Variants in SNRK observed in about 807,000 individuals in gnomAD.
The protein encoded by SNRK is SNF-related serine/threonine-protein kinase.
In SNRK, 3 loss-of-function variants were observed where a neutral mutation model predicts 48.2. That is an observed-to-expected ratio of 0.06 (90% confidence interval 0.03 to 0.16). The LOEUF (loss-of-function observed/expected upper bound fraction) is 0.16, where lower values mean the gene tolerates loss of function less well. Among genes scored for constraint, SNRK ranks in the 10% least tolerant of loss-of-function variants. SNRK has a pLI of 1.00. For synonymous variants in SNRK, 376 were observed against 366.1 expected, an observed-to-expected ratio of 1.03 and a Z score of -0.31; for missense variants, 627 against 976.0, an observed-to-expected ratio of 0.64 and a Z score of 4.76.
chr3:43,307,276 G>A (rs2090945011), intron 3 of SNRK, among the ~76,000 whole-genome samples: 1 of 152,122 alleles, frequency 6.6e-6, no homozygotes, highest in Admixed American at 6.5e-5. Context: ...TATACTCCTT[G>A]ATACATATTG....
rs541655223 is a variant in SNRK at position 43,347,086 on chromosome 3, T to G, written c.1080-253T>G. On this transcript the variant is annotated intron_variant, in intron 6 of 6. Coordinates refer to ENST00000296088, the MANE Select transcript of SNRK (RefSeq NM_017719.5). This position sits in a 1 kb window ranked among gnomAD's most constrained non-coding sequence, Gnocchi z 5.4. ...GAAAAGATGGAGTAGCTCTTTGCCC[T>G]ATTTTCTTTTCTGACACCTGTGATG... The G allele has an allele frequency of 2.5e-4, 104 of 419,398 alleles. No individual in the cohort carries two copies. Among genetic ancestry groups the G allele is most frequent in the South Asian group, 1.2e-3 (21 of 16,978 alleles). The allele number at this position is 419,398 out of a possible 1,614,324, so 26.0% of individuals were successfully genotyped here.
intron 3 of SNRK, among the ~76,000 whole-genome samples, chr3:43,304,465 T>C (rs2090921934): frequency 1.3e-5 from 2 of 152,320 alleles, no homozygotes; most frequent in Non-Finnish European, 2.9e-5. Context: ...CTTCTTTCCC[T>C]CTCCACACAC....
chr3:43,293,909 G>T (rs1172443208), intron 1 of SNRK, among the ~76,000 whole-genome samples: 1 of 151,240 alleles, frequency 6.6e-6, no homozygotes, highest in Non-Finnish European at 1.5e-5. Context: ...ACAGAGTGAG[G>T]CTCTGTCTCA....
Position 43,347,549 on chromosome 3 carries a change from A to G in SNRK, c.1290A>G (p.Ala430=). 6.2e-7 allele frequency: 1 copy of G among 1,613,842 alleles called. No individual in the cohort carries two copies. Among genetic ancestry groups the G allele is most frequent in the Non-Finnish European group, 8.5e-7 (1 of 1,179,908 alleles). Residue 430 remains alanine, a synonymous_variant, in exon 7 of 7, where the codon GCA becomes GCG. Transcript: ENST00000296088. This position sits in a 1 kb window ranked among gnomAD's most constrained non-coding sequence, Gnocchi z 5.4. ...CAGCACTCTCTACGGTGCCACCCGC[A>G]AGCTTAAAACCCACAGCCAGTGGGC... ...AGPALSTVPP[A]SLKPTASGRK...
chr3:43,291,655 A>G (rs981685838), intron 1 of SNRK, among the ~76,000 whole-genome samples: 3 of 152,170 alleles, frequency 2.0e-5, no homozygotes, highest in African/African-American at 7.2e-5. Context: ...TTATCAAGAC[A>G]TGCCTTTTCA....
chr3:43,307,548 T>C (rs1289011376), intron 3 of SNRK, among the ~76,000 whole-genome samples: 1 of 152,260 alleles, frequency 6.6e-6, no homozygotes, highest in African/African-American at 2.4e-5. Flanking sequence ...TTTTTTATGG[T>C]GATCTGTGAT....
chr3:43,301,850 A>G (rs537911094), intron 2 of SNRK, among the ~76,000 whole-genome samples: 4 of 152,336 alleles, frequency 2.6e-5, no homozygotes, highest in African/African-American at 9.6e-5. Context: ...ACTCAGTTCT[A>G]TTAAATGTTG....
rs1041806947 is a variant in SNRK at position 43,350,870 on chromosome 3, A to G, written c.*2313A>G. On this transcript the variant is annotated 3_prime_UTR_variant, in exon 7 of 7. Coordinates refer to ENST00000296088, the MANE Select transcript of SNRK (RefSeq NM_017719.5). ...TGTATTTTTCTGTATGTGTGTATAT[A>G]TATATAATTATGTACTTCTGGCAAT... 2 of 152,580 alleles carry G rather than the reference A, an allele frequency of 1.3e-5. No homozygotes were observed. The highest frequency in any genetic ancestry group is 2.9e-5 in the Non-Finnish European group (2 of 68,024). 9.5% of individuals were successfully genotyped at this position (152,580 alleles called of 1,614,324 possible). A position where few individuals can be genotyped will look rare whatever the true frequency, so the allele number is the denominator to read the frequency against.
chr3:43,299,169 C>G (rs539461526), intron 1 of SNRK, among the ~76,000 whole-genome samples: 13 of 151,980 alleles, frequency 8.6e-5, no homozygotes, highest in Non-Finnish European at 1.9e-4. Context: ...GGCAATTGTA[C>G]TGTTGTTCAT....
At chr3:43,341,431 G>A (rs981225238) in intron 5 of SNRK, among the ~76,000 whole-genome samples, 4 of 152,184 alleles carry the variant, frequency 2.6e-5, no homozygotes, top group South Asian at 2.1e-4. Flanking sequence ...GATTACAGGT[G>A]TGAGCCACTG....
chr3:43,348,077 C>T lies in SNRK; in HGVS notation c.1818C>T (p.Gly606=). The T allele has an allele frequency of 6.3e-7, 1 of 1,597,092 alleles. No homozygotes were observed. Among genetic ancestry groups the T allele is most frequent in the South Asian group, 1.1e-5 (1 of 88,642 alleles). ...CCAGTGAGAACAATGCTGGTGGGGG[C>T]AGTCCCTCCAGCGGCTCGGGTGGCA... ...ASPSENNAGG[G]SPSSGSGGNP... The change falls in exon 7 of 7, where the codon GGC becomes GGT. Residue 606 remains glycine (G), a synonymous_variant. Transcript: ENST00000296088.
intron 3 of SNRK, among the ~76,000 whole-genome samples, chr3:43,326,944 C>T (rs1262400339): frequency 5.3e-5 from 8 of 152,114 alleles, no homozygotes; most frequent in Admixed American, 1.3e-4. Context: ...ACTAGAGTAT[C>T]GATAAAACCA....
chr3:43,297,246 T>C lies in SNRK; in HGVS notation c.-168-2508T>C, dbSNP rs187922270. On this transcript the variant is annotated intron_variant, in intron 1 of 6. Coordinates refer to ENST00000296088, the MANE Select transcript of SNRK (RefSeq NM_017719.5). Reference sequence around the variant, plus strand: ...TAGCTTTGTAAAGAACTGTTAAGTATAGAGGATGTACACTCGGACCTGATG... The same window carrying C: ...TAGCTTTGTAAAGAACTGTTAAGTACAGAGGATGTACACTCGGACCTGATG... Among the ~76,000 whole-genome samples the C allele has an allele frequency of 6.6e-5, 10 of 152,324 alleles. No individual in the cohort carries two copies. The East Asian group carries it at 1.3e-3, about 21-fold the overall frequency.
chr3:43,306,550 TC>T (rs1174350339), intron 3 of SNRK, among the ~76,000 whole-genome samples: 1 of 152,000 alleles, frequency 6.6e-6, no homozygotes, highest in Admixed American at 6.5e-5. Context: ...CTTTATTCTT[TC>T]TAGGATCTTT....
intron 3 of SNRK, among the ~76,000 whole-genome samples, chr3:43,308,493 A>G (rs1029465795): frequency 3.9e-5 from 6 of 152,214 alleles, no homozygotes; most frequent in Non-Finnish European, 8.8e-5. Flanking sequence ...ACCATTCAGA[A>G]AATCCTAGGG....
At chr3:43,343,316 A>T (rs1444581485) in intron 5 of SNRK, 28 bp from the exon 6 acceptor site, 1 of 1,564,480 alleles carries the variant, frequency 6.4e-7, no homozygotes, top group Non-Finnish European at 8.6e-7. Context: ...GATATGGCTG[A>T]CGTTTGCTCT....
At chr3:43,304,189 C>T (rs1260429074) in intron 3 of SNRK, among the ~76,000 whole-genome samples, 1 of 152,160 alleles carries the variant, frequency 6.6e-6, no homozygotes, top group Non-Finnish European at 1.5e-5. Flanking sequence ...GTGAATATTA[C>T]AGTGCAATAT....
intron 1 of SNRK, among the ~76,000 whole-genome samples, chr3:43,297,596 C>T (rs540883435): frequency 2.6e-5 from 4 of 151,874 alleles, no homozygotes; most frequent in East Asian, 3.9e-4. Flanking sequence ...TTCCTCCCCC[C>T]CTTTTTTACT....
intron 1 of SNRK, among the ~76,000 whole-genome samples, chr3:43,293,786 G>A (rs960247077): frequency 6.6e-6 from 1 of 152,044 alleles, no homozygotes; most frequent in African/African-American, 2.4e-5. Context: ...GGGTGTGGTG[G>A]CATGTTCCTG....
Sources: gnomAD v4.1 joint callset for allele counts (sites outside exome capture counted in the v4.1 genomes callset) on GRCh38, gnomAD v4.1.1 for gene constraint, Gnocchi (gnomAD v3.1) non-coding constraint, MANE v1.5 for transcripts, NCBI Gene and HGNC (gene_info 2026-07-23, HGNC 2026-07-21) for gene names.